Variants in ADGRF5 observed in about 807,000 individuals in gnomAD.
The protein encoded by ADGRF5 is adhesion G protein-coupled receptor F5.
ADGRF5 carries 75 observed loss-of-function variants against 132.3 expected under a neutral mutation model. That is an observed-to-expected ratio of 0.57 (90% CI 0.47 to 0.69). The LOEUF (loss-of-function observed/expected upper bound fraction) is 0.69, where lower values mean the gene tolerates loss of function less well. ADGRF5 is among the 30% of genes least tolerant of loss of function. ADGRF5 has a pLI of 0.00. For synonymous variants in ADGRF5, 629 were observed against 597.6 expected, an observed-to-expected ratio of 1.05 and a Z score of -0.77; for missense variants, 1,516 against 1,630.6, an observed-to-expected ratio of 0.93 and a Z score of 1.21.
chr6:46,927,351 T>C (rs1285376872), intron 1 of ADGRF5, among the ~76,000 whole-genome samples: 1 of 152,034 alleles, frequency 6.6e-6, no homozygotes, highest in Non-Finnish European at 1.5e-5. Flanking sequence ...GTTCCAACTA[T>C]TTAGTATTAA....
At chr6:46,899,986 G>A (rs1029210195) in intron 3 of ADGRF5, 43 bp downstream of exon 3, 2 of 1,408,556 alleles carry the variant, frequency 1.4e-6, no homozygotes, top group African/African-American at 1.4e-5. Flanking sequence ...CATACCATTT[G>A]AGTCAACTTA....
At chr6:46,914,650 G>C (rs1485236693) in intron 1 of ADGRF5, among the ~76,000 whole-genome samples, 1 of 151,636 alleles carries the variant, frequency 6.6e-6, no homozygotes, top group African/African-American at 2.4e-5. Context: ...GTCACTGTGG[G>C]TCTTAGGCTT....
chr6:46,856,772 C>T lies in ADGRF5; in HGVS notation c.3822G>A (p.Gln1274=). The change falls in exon 19 of 21, where the codon CAG becomes CAA. Residue 1274 remains glutamine (Q), a synonymous_variant. Coordinates refer to ENST00000283296, the MANE Select transcript of ADGRF5 (RefSeq NM_001098518.2). ...ATGAAAACTTATTCAGCAAAGCTTC[C>T]TGTACCTGCATTGTTAAAAAGAAGC... ...LFGCLWDLKV[Q]EALLNKFSLS... 1 of 1,593,316 alleles carries T rather than the reference C, an allele frequency of 6.3e-7. No individual in the cohort carries two copies. Among genetic ancestry groups the T allele is most frequent in the Middle Eastern group, 2.3e-4 (1 of 4,402 alleles).
rs756112424 is a variant in ADGRF5, at chr6:46,906,666, G to C, written c.97C>G (p.Pro33Ala). ...CAGATATGGATATAACTCACCAAAG[G>C]ATGAATAGTAGACTCGTAATTCCAG... The part of the protein sequence containing the change: ...LNWNYESTIH[P>A]LSLHEHEPAG... The change falls in exon 2 of 21, where the codon CCT (proline) becomes GCT (alanine). Residue 33 changes from proline (P) to alanine (A), a missense_variant. Pro to Ala is a conservative substitution (Grantham distance 27, BLOSUM62 -1). This residue lies in a region of ADGRF5 where 945 missense variants were observed against 929.4 expected (regional missense o/e 1.02). Coordinates refer to ENST00000283296, the MANE Select transcript of ADGRF5 (RefSeq NM_001098518.2). 3 of 1,493,600 alleles carry C rather than the reference G, an allele frequency of 2.0e-6. No homozygotes were observed. Among genetic ancestry groups the C allele is most frequent in the African/African-American group, 2.8e-5 (2 of 72,356 alleles). 92.5% of individuals were successfully genotyped at this position (1,493,600 alleles called of 1,614,324 possible).
chr6:46,856,821 A>T (rs1769105076), intron 18 of ADGRF5, 44 bp from the exon 19 acceptor site: 1 of 1,602,036 alleles, frequency 6.2e-7, no homozygotes, highest in Non-Finnish European at 8.5e-7. Flanking sequence ...ACATGCCACA[A>T]GCACTTCAGA....
chr6:46,865,141 C>A lies in ADGRF5; in HGVS notation c.1891G>T (p.Val631Phe). Reference sequence around the variant, plus strand: ...TCAACAGTTTTTGAACACCAGGAAACTGAGCTTGCATTGAAATTGTGTTTG... The same window carrying A: ...TCAACAGTTTTTGAACACCAGGAAAATGAGCTTGCATTGAAATTGTGTTTG... ...CYKHNFNASS[V>F]SWCSKTVDVC... The change falls in exon 14 of 21, where the codon GTT becomes TTT. Residue 631 changes from valine (V) to phenylalanine (F), a missense_variant. This residue lies in a region of ADGRF5 where 945 missense variants were observed against 929.4 expected (regional missense o/e 1.02). Transcript: ENST00000283296. 1 of 1,612,314 alleles carries A rather than the reference C, an allele frequency of 6.2e-7. No individual in the cohort carries two copies. Among genetic ancestry groups the A allele is most frequent in the Admixed American group, 1.7e-5 (1 of 60,014 alleles).
Position 46,941,418 on chromosome 6 carries a change from AAAGAAAAG to A in ADGRF5, c.-25+13308_-25+13315del, listed in dbSNP as rs774898987. 8.8e-3 allele frequency among the ~76,000 whole-genome samples: 417 copies of A among 47,368 alleles called. 2 individuals carry two copies. The highest frequency in any genetic ancestry group is 0.088 in the East Asian group (95 of 1,080). 31.1% of individuals were successfully genotyped at this position (47,368 alleles called of 152,430 possible). ...AAAGAAAAGAAAAGAAAAGAAAAGA[AAAGAAAAG>A]AAAAGAAAAGAAAAGAAAAGAAAAG... is the stretch of plus-strand genomic sequence containing the variant. On this transcript the variant is annotated intron_variant, in intron 1 of 20. Coordinates refer to the ADGRF5 transcript ENST00000265417.
intron 1 of ADGRF5, among the ~76,000 whole-genome samples, chr6:46,947,097 C>T (rs901546973): frequency 2.0e-5 from 3 of 152,150 alleles, no homozygotes; most frequent in Non-Finnish European, 2.9e-5. Context: ...TCTGGTTTCT[C>T]TTAGTACCTA....
Position 46,884,262 on chromosome 6 carries a change from G to C in ADGRF5, c.338C>G (p.Pro113Arg), listed in dbSNP as rs532310542. 2 of 1,613,210 alleles carry C rather than the reference G, an allele frequency of 1.2e-6. No homozygotes were observed. The highest frequency in any genetic ancestry group is 8.5e-7 in the Non-Finnish European group (1 of 1,179,256). The change falls in exon 5 of 21, where the codon CCT (proline) becomes CGT (arginine). Residue 113 changes from proline (P) to arginine (R), a missense_variant. Physicochemically the swap from Pro to Arg is moderately radical, Grantham distance 103. Around this residue, in one of 2 missense-constraint regions of ADGRF5, gnomAD observed 945 missense variants for 929.4 expected, o/e 1.02. Transcript: ENST00000283296. ...GGAGCACCAGATTTCATTTCCAGCA[G>C]GTCTGCAGACTATCGTTAATCAGAA... ...LSINVTTVCR[P>R]AGNEIWCSCE...
At chr6:46,890,173 A>T (rs1402018294) in intron 3 of ADGRF5, among the ~76,000 whole-genome samples, 1 of 151,706 alleles carries the variant, frequency 6.6e-6, no homozygotes, top group Non-Finnish European at 1.5e-5. Context: ...GCTCACTGTG[A>T]CCTCCACCTC....
chr6:46,923,365 C>T (rs553709342), upstream of ADGRF5, among the ~76,000 whole-genome samples: 42 of 152,314 alleles, frequency 2.8e-4, no homozygotes, highest in African/African-American at 9.6e-4. Flanking sequence ...CCAAGTTCAT[C>T]CTCTCTCCCC....
At chr6:46,854,135 T>G (rs1768772136) in intron 20 of ADGRF5, 64 bp from the exon 21 acceptor site, 1 of 1,193,124 alleles carries the variant, frequency 8.4e-7, no homozygotes, top group African/African-American at 1.6e-5. Context: ...GGTGTGAACA[T>G]CTCCTAAGGG....
intron 8 of ADGRF5, among the ~76,000 whole-genome samples, chr6:46,880,398 A>G (rs1379405786): frequency 1.3e-5 from 2 of 152,192 alleles, no homozygotes; most frequent in African/African-American, 4.8e-5. Flanking sequence ...TCTGTGCTAC[A>G]CACTGGAATA....
chr6:46,946,683 C>G (rs1054145874), intron 1 of ADGRF5, among the ~76,000 whole-genome samples: 8 of 152,108 alleles, frequency 5.3e-5, no homozygotes, highest in African/African-American at 1.9e-4. Flanking sequence ...GGTCCCTCTT[C>G]CCTTGGGACA....
chr6:46,941,462 AAAAGAAAGAAAAGAAAAGAAAAG>A (rs1778081280), intron 1 of ADGRF5, among the ~76,000 whole-genome samples: 2 of 45,528 alleles, frequency 4.4e-5, no homozygotes, highest in East Asian at 8.9e-4. Flanking sequence ...AAAAGAAAAG[AAAAGAAAGAAAAGAAAAGAAAAG>A]AAAGAAAAGA....
chr6:46,922,401 G>T (rs1411872326), upstream of ADGRF5, among the ~76,000 whole-genome samples: 2 of 152,196 alleles, frequency 1.3e-5, no homozygotes, highest in Non-Finnish European at 2.9e-5. Context: ...ATATTGGAGG[G>T]ACGTCCAGTT....
chr6:46,898,014 A>C (rs1219288497), intron 3 of ADGRF5, among the ~76,000 whole-genome samples: 1 of 152,206 alleles, frequency 6.6e-6, no homozygotes, highest in South Asian at 2.1e-4. Flanking sequence ...GCCCAAGAAC[A>C]CAGAGGTCCA....
upstream of ADGRF5, among the ~76,000 whole-genome samples, chr6:46,924,629 A>T (rs1168309932): frequency 2.6e-5 from 4 of 152,152 alleles, no homozygotes; most frequent in Non-Finnish European, 5.9e-5. Flanking sequence ...TGACCCACGT[A>T]TTCAACTGCT....
intron 3 of ADGRF5, 137 bp downstream of exon 3, chr6:46,899,892 T>A: frequency 1.6e-6 from 1 of 638,404 alleles, no homozygotes; most frequent in East Asian, 2.8e-5. Flanking sequence ...AGTAATTATT[T>A]TTGGAAATCA....
Sources: gnomAD v4.1 joint callset for allele counts (sites outside exome capture counted in the v4.1 genomes callset) on GRCh38, gnomAD v4.1.1 for gene constraint, gnomAD v4.1.1 regional missense constraint, MANE v1.5 for transcripts, NCBI Gene and HGNC (gene_info 2026-07-23, HGNC 2026-07-21) for gene names.